Variants in DOCK8 observed in about 807,000 individuals in gnomAD.
DOCK8 encodes dedicator of cytokinesis protein 8.
DOCK8 carries 141 observed loss-of-function variants against 245.6 expected under a neutral mutation model. The observed-to-expected ratio is 0.57, with a 90% CI of 0.50 to 0.66. DOCK8 has a LOEUF of 0.66. Among genes scored for constraint, DOCK8 ranks in the 30% least tolerant of loss-of-function variants. DOCK8 has a pLI of 0.00. For missense variants in DOCK8, 2,965 were observed against 2,603.4 expected (o/e 1.14, Z -3.02); for synonymous variants, 1,168 against 970.2 (o/e 1.20, Z -3.79).
intron 26 of DOCK8, among the ~76,000 whole-genome samples, chr9:400,715 AT>A: frequency 5.2e-5 from 4 of 76,278 alleles, no homozygotes; most frequent in East Asian, 4.4e-4. Context: ...CACCTCCACC[AT>A]CACCACCACC....
At chr9:432,491 GAA>G (rs1237324170) in intron 37 of DOCK8, among the ~76,000 whole-genome samples, 167 bp downstream of exon 37, 2 of 152,088 alleles carry the variant, frequency 1.3e-5, no homozygotes, top group Non-Finnish European at 2.9e-5. Context: ...GTTTTAAAAA[GAA>G]ATACATCCAT....
At chr9:312,395 G>T (rs1362369804) in intron 6 of DOCK8, 3 of 662,826 alleles carry the variant, frequency 4.5e-6, no homozygotes, top group Non-Finnish European at 8.3e-6. Context: ...AATTTTCATA[G>T]CACTTTACAA....
chr9:435,227 G>A (rs922525199), intron 39 of DOCK8, among the ~76,000 whole-genome samples: 3 of 152,184 alleles, frequency 2.0e-5, no homozygotes, highest in Non-Finnish European at 4.4e-5. Context: ...AAAATTCCAA[G>A]TTCATACATT....
intron 16 of DOCK8, 149 bp downstream of exon 16, chr9:370,449 G>T (rs1441478021): frequency 2.8e-6 from 2 of 726,776 alleles, no homozygotes; most frequent in African/African-American, 3.5e-5. Flanking sequence ...GTGACTCTGT[G>T]TTGAAGATGT....
chr9:221,866 A>G (rs1053478946), intron 1 of DOCK8, among the ~76,000 whole-genome samples: 1 of 151,942 alleles, frequency 6.6e-6, no homozygotes, highest in Non-Finnish European at 1.5e-5. Context: ...GTAAATCAAT[A>G]CAGAGCTGCA....
chr9:461,656 C>T (rs1009517883), intron 46 of DOCK8, among the ~76,000 whole-genome samples: 1 of 151,204 alleles, frequency 6.6e-6, no homozygotes, highest in Non-Finnish European at 1.5e-5. Context: ...ATCTTCCCAC[C>T]TCAGCTTCCC....
At chr9:219,759 T>G (rs2046842658) in intron 1 of DOCK8, among the ~76,000 whole-genome samples, 1 of 152,166 alleles carries the variant, frequency 6.6e-6, no homozygotes, top group Non-Finnish European at 1.5e-5. Context: ...TAGCCAGCTG[T>G]GGTGGCTTGC....
chr9:261,303 T>A (rs75869970), intron 1 of DOCK8, among the ~76,000 whole-genome samples: 2,660 of 152,352 alleles, frequency 0.017, 44 homozygotes, highest in South Asian at 0.048. Context: ...GGCTATTTTC[T>A]TTTTGGTTTT....
At chr9:295,240 G>A (rs948808668) in intron 4 of DOCK8, among the ~76,000 whole-genome samples, 2 of 152,028 alleles carry the variant, frequency 1.3e-5, no homozygotes, top group Admixed American at 6.6e-5. Context: ...AAAAGATGAA[G>A]CTACAGGGAT....
Position 322,408 on chromosome 9 carries a change from T to G in DOCK8, c.828-3263T>G, listed in dbSNP as rs539723760. 1.2e-3 allele frequency among the ~76,000 whole-genome samples: 171 copies of G among 139,228 alleles called. 8 individuals carry two copies. Among genetic ancestry groups the G allele is most frequent in the African/African-American group, 3.4e-3 (125 of 36,722 alleles). 91.3% of individuals were successfully genotyped at this position (139,228 alleles called of 152,430 possible). On this transcript the variant is annotated intron_variant, in intron 7 of 47. Coordinates refer to ENST00000432829, the MANE Select transcript of DOCK8 (RefSeq NM_203447.4). ...ATCAGAGATGGCTGGGCTCAAAACC[T>G]GACCGAACACTCACGGAAAAAGCCC...
At chr9:417,216 G>A (rs1312264788) in intron 29 of DOCK8, among the ~76,000 whole-genome samples, 2 of 152,338 alleles carry the variant, frequency 1.3e-5, no homozygotes, top group African/African-American at 4.8e-5. Context: ...TGGAGGGGCA[G>A]AGATTGCAGT....
At chr9:390,184 GT>G (rs1176649732) in intron 23 of DOCK8, among the ~76,000 whole-genome samples, 2 of 152,232 alleles carry the variant, frequency 1.3e-5, no homozygotes, top group Non-Finnish European at 2.9e-5. Context: ...TACCCAGAAT[GT>G]TTCCCCCGTA....
At chr9:312,780 G>T (rs780460342) in intron 6 of DOCK8, 19 of 311,800 alleles carry the variant, frequency 6.1e-5, no homozygotes, top group Non-Finnish European at 1.1e-4. Flanking sequence ...TGAAATGAGA[G>T]GTGACGATTA....
At chr9:302,237 A>G (rs2049587608) in intron 4 of DOCK8, among the ~76,000 whole-genome samples, 1 of 152,170 alleles carries the variant, frequency 6.6e-6, no homozygotes, top group Non-Finnish European at 1.5e-5. Context: ...TGACAATAAC[A>G]AGCCATGAGG....
intron 14 of DOCK8, among the ~76,000 whole-genome samples, chr9:348,606 T>G (rs1428035465): frequency 1.3e-5 from 2 of 152,206 alleles, no homozygotes; most frequent in African/African-American, 4.8e-5. Flanking sequence ...GTGATGAAAT[T>G]AAGTCAAAGT....
chr9:341,743 G>A (rs2051601919), intron 14 of DOCK8, among the ~76,000 whole-genome samples: 1 of 152,166 alleles, frequency 6.6e-6, no homozygotes, highest in Non-Finnish European at 1.5e-5. Flanking sequence ...ACCATTACTG[G>A]TCCTTGGCCT....
chr9:368,459 C>T (rs891464484), intron 15 of DOCK8: 11 of 605,754 alleles, frequency 1.8e-5, no homozygotes, highest in African/African-American at 9.2e-5. Flanking sequence ...TGGCTCAACA[C>T]GTGCGCCATG....
chr9:406,488 CA>C (rs202229906), intron 27 of DOCK8, among the ~76,000 whole-genome samples: 2,710 of 95,160 alleles, frequency 0.028, 61 homozygotes, highest in African/African-American at 0.11. Flanking sequence ...CTCTGTCTTT[CA>C]AAAAAAAAAA....
intron 3 of DOCK8, among the ~76,000 whole-genome samples, chr9:289,005 A>C (rs1465186783): frequency 9.2e-5 from 14 of 152,232 alleles, no homozygotes; most frequent in Non-Finnish European, 2.1e-4. Context: ...TTAAGTAGAC[A>C]TGACAGGAAC....
Sources: gnomAD v4.1 joint callset for allele counts (sites outside exome capture counted in the v4.1 genomes callset) on GRCh38, gnomAD v4.1.1 for gene constraint, MANE v1.5 for transcripts, NCBI Gene and HGNC (gene_info 2026-07-23, HGNC 2026-07-21) for gene names.